The following DIAPH3 variants were observed in gnomAD, a reference collection of about 807,000 sequenced individuals.
DIAPH3 encodes the protein diaphanous related formin 3.
DIAPH3 carries 117 observed loss-of-function variants against 144.3 expected under a neutral mutation model. The observed-to-expected ratio is 0.81, with a 90% CI of 0.70 to 0.95. The LOEUF (loss-of-function observed/expected upper bound fraction) is 0.95, where lower values mean the gene tolerates loss of function less well. DIAPH3 is among the 40% of genes least tolerant of loss of function. The probability of loss-of-function intolerance (pLI) is 0.00; values close to 1 mark genes in which losing one functional copy is unlikely to be tolerated. For missense variants in DIAPH3, 1,421 were observed against 1,412.7 expected, an observed-to-expected ratio of 1.01 and a Z score of -0.09; for synonymous variants, 519 against 488.9, an observed-to-expected ratio of 1.06 and a Z score of -0.81.
chr13:59,773,200 C>T (rs140024208), intron 27 of DIAPH3, among the ~76,000 whole-genome samples: 71 of 152,238 alleles, frequency 4.7e-4, no homozygotes, highest in African/African-American at 1.6e-3. Flanking sequence ...TATATTTTTA[C>T]CTTTACTGTC....
At chr13:59,806,316 T>G (rs544624667) in intron 25 of DIAPH3, among the ~76,000 whole-genome samples, 1 of 152,122 alleles carries the variant, frequency 6.6e-6, no homozygotes, top group East Asian at 1.9e-4. Context: ...TACTAAAATA[T>G]AACACCTGCG....
chr13:59,763,683 CA>C (rs535165211), intron 27 of DIAPH3, among the ~76,000 whole-genome samples: 22 of 148,302 alleles, frequency 1.5e-4, no homozygotes, highest in African/African-American at 4.4e-4. Flanking sequence ...AACCCTGTCA[CA>C]AAAAAAAAAT....
Position 60,052,194 on chromosome 13 carries a change from G to A in DIAPH3, c.496-9374C>T, listed in dbSNP as rs150944843. 4.8e-3 allele frequency among the ~76,000 whole-genome samples: 724 copies of A among 152,256 alleles called. 6 individuals are homozygous for A. Among genetic ancestry groups the A allele is most frequent in the Non-Finnish European group, 7.7e-3 (521 of 68,024 alleles). On this transcript the variant is annotated intron_variant, in intron 4 of 27. Coordinates refer to ENST00000400324, the MANE Select transcript of DIAPH3 (RefSeq NM_001042517.2). Reference sequence around the variant, plus strand: ...GAAGTAAGGGCATGGCAGGAACAGGGAGGTGAGGAACATGAAACATGTAAA... The same window carrying A: ...GAAGTAAGGGCATGGCAGGAACAGGAAGGTGAGGAACATGAAACATGTAAA...
intron 27 of DIAPH3, among the ~76,000 whole-genome samples, chr13:59,768,490 G>A (rs994667653): frequency 6.6e-6 from 1 of 152,086 alleles, no homozygotes; most frequent in Admixed American, 6.6e-5. Flanking sequence ...GGAAACCTTA[G>A]AAATTTCCTA....
At chr13:59,897,477 C>G (rs995302157) in intron 20 of DIAPH3, among the ~76,000 whole-genome samples, 1 of 152,128 alleles carries the variant, frequency 6.6e-6, no homozygotes, top group African/African-American at 2.4e-5. Context: ...TGGCCGGGCA[C>G]GGTGGCTCAC....
Position 60,155,743 on chromosome 13 carries a change from A to T in DIAPH3, c.180+7844T>A, listed in dbSNP as rs1263364503. ...ACTCAATGAAGGAACAAGTTCAAAA[A>T]ATCAAAAAGAGCATTTAGATATCAC... On this transcript the variant is annotated intron_variant, in intron 1 of 27. Coordinates refer to ENST00000400324, the MANE Select transcript of DIAPH3 (RefSeq NM_001042517.2). 3.3e-5 allele frequency among the ~76,000 whole-genome samples: 5 copies of T among 152,242 alleles called. No homozygotes were observed. The East Asian group carries it at 9.6e-4, about 29-fold the overall frequency.
chr13:59,991,189 G>T lies in DIAPH3; in HGVS notation c.1330C>A (p.Leu444Ile). 1 of 1,608,534 alleles carries T rather than the reference G, an allele frequency of 6.2e-7. No homozygotes were observed. ...EGYFISILQH[L>I]LLIRNDYFIR... ...AAATAATCATTTCGAATCAGCAAAA[G>T]ATGCTGAAGAATAGAAATAAAATAT... Residue 444 changes from leucine to isoleucine, a missense_variant, in exon 12 of 28, where the codon CTT (leucine) becomes ATT (isoleucine). Physicochemically the swap from Leu to Ile is conservative, Grantham distance 5 (BLOSUM62 2). Coordinates refer to ENST00000400324, the MANE Select transcript of DIAPH3 (RefSeq NM_001042517.2).
At chr13:59,775,862 A>T (rs2038387460) in intron 25 of DIAPH3, among the ~76,000 whole-genome samples, 2 of 152,352 alleles carry the variant, frequency 1.3e-5, no homozygotes, top group South Asian at 4.1e-4. Context: ...TATAGAGCCA[A>T]TTATCTCTAC....
intron 12 of DIAPH3, among the ~76,000 whole-genome samples, chr13:59,987,700 G>GTT (rs2051509472): frequency 6.6e-6 from 1 of 150,704 alleles, no homozygotes; most frequent in African/African-American, 2.4e-5. Flanking sequence ...TACCTTTTTG[G>GTT]TTATGCCAAA....
At chr13:59,688,783 G>C (rs897560703) in intron 27 of DIAPH3, among the ~76,000 whole-genome samples, 6 of 151,920 alleles carry the variant, frequency 3.9e-5, no homozygotes, top group South Asian at 4.1e-4. Context: ...GGAACTTTAC[G>C]TAAAGGAAAA....
intron 3 of DIAPH3, among the ~76,000 whole-genome samples, chr13:60,111,268 A>C (rs2058560362): frequency 6.6e-6 from 1 of 152,360 alleles, no homozygotes; most frequent in African/African-American, 2.4e-5. Context: ...AAAAAGACGT[A>C]GAAAGTGAGT....
chr13:60,066,623 T>C (rs932581164), intron 4 of DIAPH3, among the ~76,000 whole-genome samples: 10 of 152,342 alleles, frequency 6.6e-5, no homozygotes, highest in East Asian at 3.9e-4. Context: ...ACTGTAGTTA[T>C]AAATCACTTT....
At chr13:59,708,841 A>T (rs1011858372) in intron 27 of DIAPH3, among the ~76,000 whole-genome samples, 2 of 152,054 alleles carry the variant, frequency 1.3e-5, no homozygotes, top group Non-Finnish European at 2.9e-5. Flanking sequence ...ATAATAATAA[A>T]TATATTTTAA....
chr13:59,747,723 A>C (rs745775495), intron 27 of DIAPH3, among the ~76,000 whole-genome samples: 13 of 152,164 alleles, frequency 8.5e-5, no homozygotes, highest in Non-Finnish European at 1.8e-4. Flanking sequence ...CAAGGGGGCA[A>C]TGTGTCAAAT....
intron 25 of DIAPH3, among the ~76,000 whole-genome samples, chr13:59,793,271 T>TA (rs767223797): frequency 4.9e-4 from 75 of 152,216 alleles, no homozygotes; most frequent in Non-Finnish European, 9.1e-4. Flanking sequence ...CTCAGAAGTT[T>TA]ACTCCATTGA....
chr13:59,895,127 G>A (rs542909447), intron 20 of DIAPH3, among the ~76,000 whole-genome samples: 4 of 152,132 alleles, frequency 2.6e-5, no homozygotes, highest in African/African-American at 7.2e-5. Context: ...CTGTAAGTGG[G>A]ACAGTATAAA....
chr13:59,815,778 T>C (rs2040737926), intron 24 of DIAPH3, among the ~76,000 whole-genome samples: 1 of 152,112 alleles, frequency 6.6e-6, no homozygotes, highest in African/African-American at 2.4e-5. Flanking sequence ...TTTTTATATA[T>C]GCTACTGATA....
At chr13:59,827,108 C>G (rs553520197) in intron 24 of DIAPH3, among the ~76,000 whole-genome samples, 17 of 151,764 alleles carry the variant, frequency 1.1e-4, no homozygotes, top group Middle Eastern at 3.4e-3. Flanking sequence ...TTACCATTCA[C>G]GACATAGGCA....
chr13:60,160,351 G>C (rs1200142972), intron 1 of DIAPH3, among the ~76,000 whole-genome samples: 1 of 152,242 alleles, frequency 6.6e-6, no homozygotes, highest in East Asian at 1.9e-4. Flanking sequence ...AAGTCTGTGA[G>C]AACTTTTAGA....
Sources: allele counts gnomAD v4.1 joint callset (sites outside exome capture counted in the v4.1 genomes callset), GRCh38; gene constraint gnomAD v4.1.1; transcripts MANE v1.5; gene names NCBI Gene and HGNC (gene_info 2026-07-23, HGNC 2026-07-21).